UNC5C: variants seen among roughly 807,000 people sequenced by gnomAD.
UNC5C encodes the protein netrin receptor UNC5C.
In UNC5C, 47 loss-of-function variants were observed where a neutral mutation model predicts 99.8. That is an observed-to-expected ratio of 0.47 (90% CI 0.37 to 0.60). UNC5C has a LOEUF of 0.60. Ranked by LOEUF, UNC5C falls within the 20% of genes least tolerant of loss-of-function variation. The probability of loss-of-function intolerance (pLI) is 0.00; values close to 1 mark genes in which losing one functional copy is unlikely to be tolerated. For missense variants in UNC5C, 1,062 were observed against 1,165.9 expected, an observed-to-expected ratio of 0.91 and a Z score of 1.30; for synonymous variants, 487 against 452.2, an observed-to-expected ratio of 1.08 and a Z score of -0.98.
rs369701570 is a variant in UNC5C at position 95,236,380 on chromosome 4, C to T, written c.1108+6049G>A. 3.4e-4 allele frequency among the ~76,000 whole-genome samples: 50 copies of T among 145,106 alleles called. 1 individual carries two copies. Among genetic ancestry groups the T allele is most frequent in the South Asian group, 6.4e-4 (3 of 4,676 alleles). On this transcript the variant is annotated intron_variant, in intron 7 of 15. Coordinates refer to ENST00000453304, the MANE Select transcript of UNC5C (RefSeq NM_003728.4). Reference sequence around the variant, plus strand: ...TTCTCACTCACAGGTGGGAATTGAACGATGAGAACACTTGGACACAGGAAG... The same window carrying T: ...TTCTCACTCACAGGTGGGAATTGAATGATGAGAACACTTGGACACAGGAAG...
At chr4:95,275,993 T>A (rs1560765299) in intron 4 of UNC5C, among the ~76,000 whole-genome samples, 1 of 152,210 alleles carries the variant, frequency 6.6e-6, no homozygotes, top group Admixed American at 6.5e-5. Context: ...CTTTATCCTA[T>A]TTTTATGCTT....
At chr4:95,358,501 A>G (rs935370503) in intron 1 of UNC5C, among the ~76,000 whole-genome samples, 21 of 152,200 alleles carry the variant, frequency 1.4e-4, no homozygotes, top group African/African-American at 5.1e-4. Context: ...AGTGCTGGTT[A>G]ATATTTCACA....
At chr4:95,378,949 T>G (rs187396903) in intron 1 of UNC5C, among the ~76,000 whole-genome samples, 2 of 152,278 alleles carry the variant, frequency 1.3e-5, no homozygotes, top group East Asian at 3.9e-4. Flanking sequence ...TTCTAAGACT[T>G]AAATTGACTG....
At position 95,206,816 on chromosome 4, in the gene UNC5C, T is replaced by A. The variant is rs1737895548; in HGVS notation, c.1734-20A>T. The stretch of plus-strand genomic sequence containing the variant: ...GGTGGCCTAGGAGGAGAGCAGAGAA[T>A]GGCTTCAGTGACATTTCCATTGTAT... On this transcript the variant is annotated intron_variant, in intron 10 of 15. Coordinates refer to ENST00000453304, the MANE Select transcript of UNC5C (RefSeq NM_003728.4). 2 of 1,530,768 alleles carry A rather than the reference T, an allele frequency of 1.3e-6. No homozygotes were observed. Among genetic ancestry groups the A allele is most frequent in the Non-Finnish European group, 8.8e-7 (1 of 1,140,436 alleles). 94.8% of individuals were successfully genotyped at this position (1,530,768 alleles called of 1,614,324 possible). A position where few individuals can be genotyped will look rare whatever the true frequency, so the allele number is the denominator to read the frequency against.
chr4:95,470,950 A>G (rs985296483), intron 1 of UNC5C, among the ~76,000 whole-genome samples: 1 of 152,106 alleles, frequency 6.6e-6, no homozygotes, highest in South Asian at 2.1e-4. Context: ...TCTAGCCATC[A>G]TGAGTGTCAG....
At chr4:95,302,574 G>A (rs898233613) in intron 2 of UNC5C, among the ~76,000 whole-genome samples, 40 of 152,192 alleles carry the variant, frequency 2.6e-4, no homozygotes, top group African/African-American at 9.4e-4. Context: ...AACAACATAT[G>A]TGGGCAACTG....
intron 14 of UNC5C, among the ~76,000 whole-genome samples, chr4:95,178,783 C>G (rs1304749548): frequency 6.6e-6 from 1 of 152,210 alleles, no homozygotes; most frequent in Non-Finnish European, 1.5e-5. Context: ...AAGAACTCTC[C>G]TCAGCATTTC....
At chr4:95,401,938 T>A (rs1248098474) in intron 1 of UNC5C, among the ~76,000 whole-genome samples, 2 of 152,226 alleles carry the variant, frequency 1.3e-5, no homozygotes, top group Non-Finnish European at 2.9e-5. Context: ...AGGATGCCTT[T>A]TCGAAAGTGG....
At chr4:95,288,885 G>T (rs1741339426) in intron 3 of UNC5C, among the ~76,000 whole-genome samples, 5 of 141,110 alleles carry the variant, frequency 3.5e-5, no homozygotes. Context: ...AACCAAATCT[G>T]CAAAGATCCT....
chr4:95,323,465 A>G (rs1193374172), intron 2 of UNC5C, among the ~76,000 whole-genome samples: 1 of 152,240 alleles, frequency 6.6e-6, no homozygotes, highest in Non-Finnish European at 1.5e-5. Context: ...ATAATAAAAA[A>G]TTAGTTTCAC....
chr4:95,536,277 G>A lies in UNC5C; in HGVS notation c.124+12457C>T, dbSNP rs571573304. ...TTTTAGTAGAGATGGGATTTCACCA[G>A]GTTGGCTAGGCTGGTCTTGAACTCC... is the stretch of plus-strand genomic sequence containing the variant. On this transcript the variant is annotated intron_variant, in intron 1 of 15. Transcript: ENST00000453304. Among the ~76,000 whole-genome samples, 4 of 151,986 alleles carry A rather than the reference G, an allele frequency of 2.6e-5. No homozygotes were observed. In the East Asian group the frequency reaches 7.8e-4, roughly 29 times the overall value.
chr4:95,537,592 C>T (rs1722813820), intron 1 of UNC5C, among the ~76,000 whole-genome samples: 2 of 152,068 alleles, frequency 1.3e-5, no homozygotes, highest in African/African-American at 2.4e-5. Flanking sequence ...AACTTCTTGC[C>T]TTTCAGATGA....
intron 9 of UNC5C, 82 bp from the exon 10 acceptor site, chr4:95,216,293 C>T (rs1398441074): frequency 3.9e-6 from 4 of 1,034,092 alleles, no homozygotes; most frequent in African/African-American, 1.6e-5. Flanking sequence ...GACCGCGCAG[C>T]CATAAGCCTG....
chr4:95,236,676 T>C (rs1448195674), intron 7 of UNC5C, among the ~76,000 whole-genome samples: 1 of 151,886 alleles, frequency 6.6e-6, no homozygotes, highest in South Asian at 2.1e-4. Flanking sequence ...AGAAAATTCA[T>C]AAGTTTCATT....
chr4:95,354,710 G>C (rs367679905), intron 1 of UNC5C, among the ~76,000 whole-genome samples: 1 of 151,612 alleles, frequency 6.6e-6, no homozygotes, highest in Admixed American at 6.6e-5. Context: ...CTCAAACTCC[G>C]GGGATCAAGT....
chr4:95,482,924 G>T (rs1721206605), intron 1 of UNC5C, among the ~76,000 whole-genome samples: 4 of 138,652 alleles, frequency 2.9e-5, no homozygotes, highest in Admixed American at 7.3e-5. Context: ...ACGAGTTAAT[G>T]GGTGCAGCAC....
intron 4 of UNC5C, among the ~76,000 whole-genome samples, chr4:95,277,500 A>T (rs547403586): frequency 6.6e-6 from 1 of 152,364 alleles, no homozygotes; most frequent in African/African-American, 2.4e-5. Flanking sequence ...TTAACAAATG[A>T]AAGACACAGT....
At chr4:95,536,080 A>AT (rs1395900631) in intron 1 of UNC5C, among the ~76,000 whole-genome samples, 17 of 63,782 alleles carry the variant, frequency 2.7e-4, no homozygotes, top group South Asian at 5.1e-4. Context: ...ATATATATAT[A>AT]TATTTTTTTT....
rs57532768 is a variant in UNC5C, at chr4:95,208,103, C to T, written c.1734-1307G>A. 6.5e-3 allele frequency among the ~76,000 whole-genome samples: 996 copies of T among 152,254 alleles called. 7 individuals are homozygous for T. Among genetic ancestry groups the T allele is most frequent in the African/African-American group, 0.023 (951 of 41,544 alleles). On this transcript the variant is annotated intron_variant, in intron 10 of 15. Transcript: ENST00000453304. ...TGCTTGTCATTGTTTTCCAGGTCCT[C>T]GTTAAAGTGGTGGCACCTTGAACTC...
Sources: allele counts gnomAD v4.1 joint callset (sites outside exome capture counted in the v4.1 genomes callset), GRCh38; gene constraint gnomAD v4.1.1; transcripts MANE v1.5; gene names NCBI Gene and HGNC (gene_info 2026-07-23, HGNC 2026-07-21).